Variants in VWA3A observed in about 807,000 individuals in gnomAD.
The protein encoded by VWA3A is von Willebrand factor A domain containing 3A.
VWA3A carries 134 observed loss-of-function variants against 160.4 expected under a neutral mutation model. The ratio of observed to expected loss-of-function variants is 0.84; its 90% confidence interval spans 0.73 to 0.96. The LOEUF (loss-of-function observed/expected upper bound fraction) is 0.96, where lower values mean the gene tolerates loss of function less well. Among genes scored for constraint, VWA3A ranks in the 40% least tolerant of loss-of-function variants. The probability of loss-of-function intolerance (pLI) is 0.00; values close to 1 mark genes in which losing one functional copy is unlikely to be tolerated. For synonymous variants in VWA3A, 476 were observed against 543.4 expected, an observed-to-expected ratio of 0.88 and a Z score of 1.72; for missense variants, 1,310 against 1,447.9, an observed-to-expected ratio of 0.90 and a Z score of 1.55.
chr16:22,120,944 T>C, intron 12 of VWA3A, 24 bp from the exon 13 acceptor site: 1 of 1,613,610 alleles, frequency 6.2e-7, no homozygotes, highest in Non-Finnish European at 8.5e-7. Flanking sequence ...GATTATGTAA[T>C]GAGGGCTTTC....
In VWA3A at chr16:22,146,272, A is replaced by T. The variant is rs766729932; in HGVS notation, c.2767A>T (p.Met923Leu). Reference protein sequence around the residue: ...VRHIQWTPREMEVYIRHLEKV... With the variant: ...VRHIQWTPRELEVYIRHLEKV... Reference sequence around the variant, plus strand: ...ACACATCCAGTGGACGCCCAGGGAGATGGAGGTGTACATCAGGCACTTGGA... The same window carrying T: ...ACACATCCAGTGGACGCCCAGGGAGTTGGAGGTGTACATCAGGCACTTGGA... Residue 923 changes from methionine to leucine, a missense_variant, in exon 27 of 34, where the codon ATG becomes TTG. Transcript: ENST00000389398. 6.2e-7 allele frequency: 1 copy of T among 1,613,546 alleles called. No homozygotes were observed. The highest frequency in any genetic ancestry group is 8.5e-7 in the Non-Finnish European group (1 of 1,179,682).
chr16:22,122,005 ACTCTT>A (rs935438722), intron 14 of VWA3A, among the ~76,000 whole-genome samples: 7 of 152,114 alleles, frequency 4.6e-5, no homozygotes, highest in Non-Finnish European at 7.4e-5. Flanking sequence ...AAGAGGGCAA[ACTCTT>A]CTCTAACTCT....
intron 16 of VWA3A, among the ~76,000 whole-genome samples, chr16:22,124,622 G>T (rs1021625292): frequency 2.0e-5 from 3 of 150,138 alleles, no homozygotes; most frequent in Non-Finnish European, 3.0e-5. Flanking sequence ...TCAAACTCTT[G>T]GCCTCAAGCG....
At chr16:22,106,845 A>G (rs2045489382) in intron 6 of VWA3A, among the ~76,000 whole-genome samples, 1 of 152,200 alleles carries the variant, frequency 6.6e-6, no homozygotes. Context: ...AGAATGAGAT[A>G]TGGTAGATTC....
chr16:22,116,987 G>C, intron 10 of VWA3A, 120 bp downstream of exon 10: 1 of 1,422,366 alleles, frequency 7.0e-7, no homozygotes, highest in Non-Finnish European at 9.7e-7. Context: ...ACCTGTCCCT[G>C]TGCCTGGTTC....
At chr16:22,145,415 G>A (rs1333952063) in intron 26 of VWA3A, among the ~76,000 whole-genome samples, 1 of 152,122 alleles carries the variant, frequency 6.6e-6, no homozygotes, top group African/African-American at 2.4e-5. Flanking sequence ...AAGGCGGGCG[G>A]ATCACCTGAG....
intron 3 of VWA3A, among the ~76,000 whole-genome samples, chr16:22,098,911 C>CAAAAAAAAAA (rs900328333): frequency 2.4e-5 from 1 of 41,054 alleles, no homozygotes; most frequent in Non-Finnish European, 4.6e-5. Flanking sequence ...CCTGTTTCCA[C>CAAAAAAAAAA]AAAAAAAAAA....
rs190497409 is a variant in VWA3A at position 22,132,421 on chromosome 16, G to A, written c.1873-479G>A. 9.1e-4 allele frequency among the ~76,000 whole-genome samples: 138 copies of A among 151,998 alleles called. 5 individuals carry two copies. In the South Asian group the frequency reaches 0.018, roughly 20 times the overall value. ...AAATTAACCAGGTGTGGTGACATGT[G>A]CCTGTAGTCACAGCTACTTAGGAGG... On this transcript the variant is annotated intron_variant, in intron 19 of 33. Coordinates refer to ENST00000389398, the MANE Select transcript of VWA3A (RefSeq NM_173615.5).
chr16:22,100,198 T>C lies in VWA3A; in HGVS notation c.230T>C (p.Leu77Pro), dbSNP rs984844155. The C allele has an allele frequency of 2.6e-6, 4 of 1,546,350 alleles. No homozygotes were observed. Among genetic ancestry groups the C allele is most frequent in the Non-Finnish European group, 2.6e-6 (3 of 1,145,206 alleles). ...HVNQTQDLLRLQGSETQSSDW... is the reference protein window; with the variant it reads ...HVNQTQDLLRPQGSETQSSDW... ...ACTCTGGCTTTTGTCTTGCAGAGGCTGCAGGGGAGTGAGACCCAGTCTTCA... is the reference window on the plus strand; with the variant it reads ...ACTCTGGCTTTTGTCTTGCAGAGGCCGCAGGGGAGTGAGACCCAGTCTTCA... The change falls in exon 4 of 34, where the codon CTG becomes CCG. Residue 77 changes from leucine (L) to proline (P), a missense_variant. Transcript: ENST00000389398.
chr16:22,138,036 T>C (rs532108001), intron 21 of VWA3A, among the ~76,000 whole-genome samples: 22 of 152,258 alleles, frequency 1.4e-4, no homozygotes, highest in Admixed American at 2.6e-4. Flanking sequence ...GCTTCAGAGC[T>C]TTGGTTTCCT....
At chr16:22,141,046 A>C (rs182974308) in intron 23 of VWA3A, among the ~76,000 whole-genome samples, 1 of 152,330 alleles carries the variant, frequency 6.6e-6, no homozygotes, top group African/African-American at 2.4e-5. Context: ...AATCCTTTGC[A>C]TCTGTATTCT....
intron 9 of VWA3A, chr16:22,116,313 AAAGG>A: frequency 2.3e-6 from 1 of 432,756 alleles, no homozygotes; most frequent in South Asian, 1.7e-5. Context: ...GAAAAAAGAG[AAAGG>A]AAGGAAAGAT....
chr16:22,150,681 C>G lies in VWA3A; in HGVS notation c.3130-14C>G. The G allele has an allele frequency of 1.9e-6, 3 of 1,600,454 alleles. No individual in the cohort carries two copies. Among genetic ancestry groups the G allele is most frequent in the Non-Finnish European group, 2.6e-6 (3 of 1,173,256 alleles). ...CTCTCCCCTGAGCCTGACAGCCTTC[C>G]TGCGTTCTTTCAGAAAGCTTTCAGT... On this transcript the variant is annotated splice_polypyrimidine_tract_variant and intron_variant, in intron 29 of 33. Coordinates refer to ENST00000389398, the MANE Select transcript of VWA3A (RefSeq NM_173615.5).
chr16:22,152,352 G>T (rs539925800), intron 30 of VWA3A, among the ~76,000 whole-genome samples, 159 bp from the exon 31 acceptor site: 1 of 152,272 alleles, frequency 6.6e-6, no homozygotes, highest in Admixed American at 6.5e-5. Flanking sequence ...GGTGGGGAAA[G>T]TGTCCTCTAA....
intron 27 of VWA3A, among the ~76,000 whole-genome samples, chr16:22,146,865 A>G (rs1173668833): frequency 6.6e-6 from 1 of 151,816 alleles, no homozygotes; most frequent in Admixed American, 6.6e-5. Context: ...GGGAGCTCAC[A>G]CGCATCCCAG....
chr16:22,109,474 G>A lies in VWA3A; in HGVS notation c.484-8G>A, dbSNP rs767031884. 2.5e-6 allele frequency: 4 copies of A among 1,582,790 alleles called. No homozygotes were observed. Among genetic ancestry groups the A allele is most frequent in the Non-Finnish European group, 2.6e-6 (3 of 1,164,430 alleles). Reference sequence around the variant, plus strand: ...CTGGCTGTTTCCAAATGCCCTCTTTGGTTTTAGGCATTTGGCCTCATCAAA... The same window carrying A: ...CTGGCTGTTTCCAAATGCCCTCTTTAGTTTTAGGCATTTGGCCTCATCAAA... On this transcript the variant is annotated splice_region_variant and splice_polypyrimidine_tract_variant and intron_variant, in intron 6 of 33. Coordinates refer to ENST00000389398, the MANE Select transcript of VWA3A (RefSeq NM_173615.5).
chr16:22,121,463 AC>A, intron 13 of VWA3A, 50 bp from the exon 14 acceptor site: 1 of 1,434,020 alleles, frequency 7.0e-7, no homozygotes, highest in Non-Finnish European at 9.8e-7. Context: ...AAAGGCTTGA[AC>A]CCTTTGGAGC....
At chr16:22,142,842 G>T (rs143580498) in intron 25 of VWA3A, 77 bp downstream of exon 25, 24 of 1,106,646 alleles carry the variant, frequency 2.2e-5, no homozygotes, top group East Asian at 1.3e-4. Context: ...CTTCTAGGAT[G>T]GGGGGGCATA....
At chr16:22,109,170 TCAAA>T (rs1189968865) in intron 6 of VWA3A, among the ~76,000 whole-genome samples, 1 of 152,190 alleles carries the variant, frequency 6.6e-6, no homozygotes, top group African/African-American at 2.4e-5. Context: ...TTTTATATCT[TCAAA>T]CAAAGGGTGC....
Sources: allele counts gnomAD v4.1 joint callset (sites outside exome capture counted in the v4.1 genomes callset), GRCh38; gene constraint gnomAD v4.1.1; transcripts MANE v1.5; gene names NCBI Gene and HGNC (gene_info 2026-07-23, HGNC 2026-07-21).